DENND2A: variants seen among roughly 807,000 people sequenced by gnomAD.
The protein encoded by DENND2A is DENN domain containing 2A.
A neutral mutation model predicts 105.3 loss-of-function variants in DENND2A; 53 were observed. The ratio of observed to expected loss-of-function variants is 0.50; its 90% CI spans 0.40 to 0.63. DENND2A has a LOEUF of 0.63. Among genes scored for constraint, DENND2A ranks in the 30% least tolerant of loss-of-function variants. The pLI, the probability that DENND2A is intolerant of heterozygous loss-of-function variation, is 0.00. For missense variants in DENND2A, 1,138 were observed against 1,279.6 expected, an observed-to-expected ratio of 0.89 and a Z score of 1.69; for synonymous variants, 522 against 508.4, an observed-to-expected ratio of 1.03 and a Z score of -0.36.
At chr7:140,619,352 GTGATTGC>G (rs1183888398) in intron 1 of DENND2A, among the ~76,000 whole-genome samples, 1 of 152,134 alleles carries the variant, frequency 6.6e-6, no homozygotes, top group Non-Finnish European at 1.5e-5. Flanking sequence ...AAGTAGGCTG[GTGATTGC>G]TGAGGTTAGG....
chr7:140,580,470 C>G (rs1481534570), intron 5 of DENND2A, among the ~76,000 whole-genome samples: 1 of 152,034 alleles, frequency 6.6e-6, no homozygotes, highest in Non-Finnish European at 1.5e-5. Context: ...CAGGCATGCA[C>G]CACCATGCCT....
At position 140,602,251 on chromosome 7, in the gene DENND2A, C is replaced by A. The variant is rs1425145645; in HGVS notation, c.147G>T (p.Lys49Asn). 6.2e-7 allele frequency: 1 copy of A among 1,613,826 alleles called. No homozygotes were observed. The highest frequency in any genetic ancestry group is 8.5e-7 in the Non-Finnish European group (1 of 1,180,036). The part of the protein sequence containing the change: ...PRHKSLNIKD[K>N]ISEWEGKKEV... ...CTTTCTTCCCTTCCCATTCTGATAT[C>A]TTGTCCTTTATGTTGAGGGACTTGT... The change falls in exon 3 of 20, where the codon AAG becomes AAT. Residue 49 changes from lysine to asparagine, a missense_variant. This residue lies in a region of DENND2A where 511 missense variants were observed against 499.9 expected (regional missense o/e 1.02). Coordinates refer to ENST00000496613, the MANE Select transcript of DENND2A (RefSeq NM_015689.5).
intron 1 of DENND2A, among the ~76,000 whole-genome samples, chr7:140,628,706 AT>A (rs1283721888): frequency 1.3e-5 from 2 of 151,374 alleles, no homozygotes; most frequent in Non-Finnish European, 2.9e-5. Context: ...CGCCCGGCCA[AT>A]TTTTTTGTAT....
intron 1 of DENND2A, among the ~76,000 whole-genome samples, chr7:140,619,049 C>T (rs550432406): frequency 9.5e-4 from 144 of 152,280 alleles, no homozygotes; most frequent in African/African-American, 3.2e-3. Flanking sequence ...CTGCCCGCCT[C>T]GGCCTCCCAA....
In DENND2A at chr7:140,525,153, C is replaced by CTTT. The variant is rs1198329788; in HGVS notation, c.2547+595_2547+597dup. Among the ~76,000 whole-genome samples, 717 of 111,980 alleles carry CTTT rather than the reference C, an allele frequency of 6.4e-3. 31 individuals carry two copies. The highest frequency in any genetic ancestry group is 0.024 in the African/African-American group (653 of 27,530). The allele number at this position is 111,980 out of a possible 152,430, so 73.5% of individuals were successfully genotyped here. ...CCTGGGCAACATAGTGAGACCCTGT[C>CTTT]TTTTTTTTTTTTTTTTTTGGAGATG... is the stretch of plus-strand genomic sequence containing the variant. On this transcript the variant is annotated intron_variant, in intron 16 of 19. Coordinates refer to ENST00000496613, the MANE Select transcript of DENND2A (RefSeq NM_015689.5).
Position 140,544,746 on chromosome 7 carries a change from C to G in DENND2A, c.2199G>C (p.Pro733=). The part of the protein sequence containing the change: ...SGTEVIELCR[P]LDSRLEHVDF... ...CCACGTGCTCGAGCCGGGAGTCCAG[C>G]GGGCGGCACAGTTCGATCACCTGCC... The change falls in exon 14 of 20, where the codon CCG becomes CCC. Residue 733 remains proline, a synonymous_variant. Coordinates refer to ENST00000496613, the MANE Select transcript of DENND2A (RefSeq NM_015689.5). 6.3e-7 allele frequency: 1 copy of G among 1,591,948 alleles called. No homozygotes were observed. Among genetic ancestry groups the G allele is most frequent in the Non-Finnish European group, 8.6e-7 (1 of 1,169,330 alleles).
chr7:140,573,788 A>G lies in DENND2A; in HGVS notation c.1446+20T>C. The G allele has an allele frequency of 6.2e-7, 1 of 1,610,950 alleles. No individual in the cohort carries two copies. The highest frequency in any genetic ancestry group is 2.2e-5 in the East Asian group (1 of 44,844). On this transcript the variant is annotated intron_variant, in intron 6 of 19. Transcript: ENST00000496613. The stretch of plus-strand genomic sequence containing the variant: ...AAGGGGTCATGCATACCTGAGCATG[A>G]AGCTTGTTGCCACCATTACCTTGGG...
At chr7:140,520,668 C>T (rs1795822685) in intron 18 of DENND2A, among the ~76,000 whole-genome samples, 1 of 151,664 alleles carries the variant, frequency 6.6e-6, no homozygotes, top group South Asian at 2.1e-4. Flanking sequence ...AAGCGCTTCT[C>T]CTGCCTCAGC....
chr7:140,558,312 A>G (rs1797464958), intron 10 of DENND2A, 100 bp from the exon 11 acceptor site: 1 of 879,060 alleles, frequency 1.1e-6, no homozygotes, highest in African/African-American at 1.6e-5. Flanking sequence ...CATGGGACAC[A>G]CTGCAGGAGG....
chr7:140,562,174 C>G (rs1453014932), intron 9 of DENND2A, among the ~76,000 whole-genome samples: 1 of 151,336 alleles, frequency 6.6e-6, no homozygotes, highest in African/African-American at 2.4e-5. Context: ...AGGCGTGAGC[C>G]ACCGCGCCCG....
chr7:140,568,736 G>A, intron 8 of DENND2A, 27 bp downstream of exon 8: 1 of 1,613,650 alleles, frequency 6.2e-7, no homozygotes, highest in Non-Finnish European at 8.5e-7. Context: ...ACCTGCCTGA[G>A]TCCTGCACAG....
chr7:140,552,315 C>A (rs1238274439), intron 12 of DENND2A, among the ~76,000 whole-genome samples: 2 of 151,916 alleles, frequency 1.3e-5, no homozygotes, highest in African/African-American at 4.8e-5. Context: ...TTTTTCCCTT[C>A]TTTCATTTTC....
chr7:140,555,080 T>C (rs1442655614), intron 12 of DENND2A, among the ~76,000 whole-genome samples: 1 of 151,308 alleles, frequency 6.6e-6, no homozygotes. Flanking sequence ...TCAACTTCAA[T>C]TATCTTGCCA....
At chr7:140,575,684 C>T (rs991426003) in intron 5 of DENND2A, among the ~76,000 whole-genome samples, 1 of 152,114 alleles carries the variant, frequency 6.6e-6, no homozygotes, top group Non-Finnish European at 1.5e-5. Flanking sequence ...TCTTAATGTA[C>T]TTGCCGGGCA....
rs755476225 is a variant in DENND2A at position 140,555,657 on chromosome 7, T to A, written c.2016A>T (p.Gly672=). 1 of 1,609,922 alleles carries A rather than the reference T, an allele frequency of 6.2e-7. No homozygotes were observed. The highest frequency in any genetic ancestry group is 8.5e-7 in the Non-Finnish European group (1 of 1,178,804). ...TCACCCTTGAAAAGAGGCTGAAGCA[T>A]CCCAGGCGGCTCACAATGCAGTAAA... ...PEVYCIVSRL[G]CFSLFSRILD... Residue 672 remains glycine, a synonymous_variant, in exon 12 of 20, where the codon GGA becomes GGT. Coordinates refer to ENST00000496613, the MANE Select transcript of DENND2A (RefSeq NM_015689.5).
At chr7:140,624,147 T>A (rs1042994878) in intron 1 of DENND2A, among the ~76,000 whole-genome samples, 10 of 152,200 alleles carry the variant, frequency 6.6e-5, no homozygotes, top group African/African-American at 2.4e-4. Flanking sequence ...TATAGAGTCA[T>A]CTGCCTTCAG....
intron 12 of DENND2A, among the ~76,000 whole-genome samples, chr7:140,555,000 A>G (rs557898095): frequency 1.0e-3 from 159 of 152,312 alleles, no homozygotes; most frequent in African/African-American, 3.7e-3. Flanking sequence ...ATATGACAAA[A>G]GGCAATTCTC....
chr7:140,574,153 G>A, intron 5 of DENND2A, 145 bp from the exon 6 acceptor site: 2 of 818,586 alleles, frequency 2.4e-6, no homozygotes, highest in East Asian at 2.6e-5. Context: ...GGTTATGCCA[G>A]TAAGTGTTCA....
At chr7:140,634,409 C>T (rs939014974) in intron 1 of DENND2A, among the ~76,000 whole-genome samples, 3 of 152,118 alleles carry the variant, frequency 2.0e-5, no homozygotes. Context: ...GATATAGTAC[C>T]TCTCTGTTCC....
Sources: allele counts gnomAD v4.1 joint callset (sites outside exome capture counted in the v4.1 genomes callset), GRCh38; gene constraint gnomAD v4.1.1; regional missense constraint gnomAD v4.1.1; transcripts MANE v1.5; gene names NCBI Gene and HGNC (gene_info 2026-07-23, HGNC 2026-07-21).